SORL1: variants seen among roughly 807,000 people sequenced by gnomAD.
SORL1 encodes the protein sortilin-related receptor.
In SORL1, 127 loss-of-function variants were observed where a neutral mutation model predicts 273.7. That is an observed-to-expected ratio of 0.46 (90% CI 0.40 to 0.54). The LOEUF is 0.54. Among genes scored for constraint, SORL1 ranks in the 20% least tolerant of loss-of-function variants. The pLI, the probability that SORL1 is intolerant of heterozygous loss-of-function variation, is 0.00. For synonymous variants in SORL1, 1,031 were observed against 1,067.4 expected, an observed-to-expected ratio of 0.97 and a Z score of 0.66; for missense variants, 2,494 against 2,846.1, an observed-to-expected ratio of 0.88 and a Z score of 2.81.
chr11:121,526,427 C>CT (rs1862125179), intron 11 of SORL1, among the ~76,000 whole-genome samples: 2 of 152,104 alleles, frequency 1.3e-5, no homozygotes, highest in African/African-American at 2.4e-5. Context: ...TTTTAAAAAT[C>CT]TTTTTTTATT....
chr11:121,547,417 CAAAAAA>C (rs67390938), intron 14 of SORL1, among the ~76,000 whole-genome samples: 26 of 24,032 alleles, frequency 1.1e-3, no homozygotes, highest in African/African-American at 3.2e-3. Context: ...CAACCCTCAC[CAAAAAA>C]AAAAAAAAAA....
chr11:121,468,617 C>T (rs964793236), intron 1 of SORL1, among the ~76,000 whole-genome samples: 4 of 152,128 alleles, frequency 2.6e-5, no homozygotes, highest in Non-Finnish European at 5.9e-5. Context: ...GATGGGGTTT[C>T]ACCGTATTGG....
chr11:121,615,117 C>A, intron 41 of SORL1, 62 bp downstream of exon 41: 2 of 1,332,886 alleles, frequency 1.5e-6, no homozygotes, highest in South Asian at 1.5e-5. Flanking sequence ...GCTACGCCAC[C>A]ACACAACTCC....
At position 121,614,769 on chromosome 11, in the gene SORL1, C is replaced by T. The variant is rs528118833; in HGVS notation, c.5420-102C>T. ...TACAGCACATGGGACTCATTTAAGTCAAGAGATTACTATTTTTTTTTAAAA... is the reference window on the plus strand; with the variant it reads ...TACAGCACATGGGACTCATTTAAGTTAAGAGATTACTATTTTTTTTTAAAA... On this transcript the variant is annotated intron_variant, in intron 40 of 47. Coordinates refer to ENST00000260197, the MANE Select transcript of SORL1 (RefSeq NM_003105.6). 1.7e-5 allele frequency: 15 copies of T among 903,268 alleles called. No homozygotes were observed. In the African/African-American group the frequency reaches 2.3e-4, roughly 14 times the overall value. 56.0% of individuals were successfully genotyped at this position (903,268 alleles called of 1,614,324 possible).
At chr11:121,519,805 AT>A (rs1306039583) in intron 8 of SORL1, among the ~76,000 whole-genome samples, 2 of 152,196 alleles carry the variant, frequency 1.3e-5, no homozygotes, top group African/African-American at 4.8e-5. Flanking sequence ...TCACTGGAGG[AT>A]TTGGAGTCAA....
intron 28 of SORL1, among the ~76,000 whole-genome samples, chr11:121,588,438 A>G (rs778271069): frequency 1.1e-4 from 17 of 152,150 alleles, no homozygotes; most frequent in Non-Finnish European, 2.1e-4. Flanking sequence ...GTCTTGGCTC[A>G]AGGGTCGCTG....
intron 4 of SORL1, among the ~76,000 whole-genome samples, chr11:121,488,598 A>G (rs1861509575): frequency 6.6e-6 from 1 of 152,112 alleles, no homozygotes; most frequent in South Asian, 2.1e-4. Flanking sequence ...TCCATCTTAA[A>G]CACTGCTTTT....
rs758575524 is a variant in SORL1, at chr11:121,488,027, T to G, written c.529-5T>G. 1.2e-6 allele frequency: 2 copies of G among 1,614,034 alleles called. No individual in the cohort carries two copies. The highest frequency in any genetic ancestry group is 3.3e-5 in the Admixed American group (2 of 60,004). On this transcript the variant is annotated splice_polypyrimidine_tract_variant and splice_region_variant and intron_variant, in intron 3 of 47. Transcript: ENST00000260197. ...TGCTCTCAACTTACCTGTTTTCCCT[T>G]GCAGTACATCTTTGCAGACGCTTAT...
chr11:121,471,469 G>A (rs766420893), intron 2 of SORL1, among the ~76,000 whole-genome samples: 24 of 152,350 alleles, frequency 1.6e-4, no homozygotes, highest in Non-Finnish European at 3.4e-4. Context: ...CTCCTTGTGG[G>A]TGAGAGGAGC....
rs1203656574 is a variant in SORL1 at position 121,625,126 on chromosome 11, AGCTTACCT to A, written c.6214_6221del (p.Ala2072TrpfsTer5). The A allele has an allele frequency of 6.2e-7, 1 of 1,613,544 alleles. No homozygotes were observed. Among genetic ancestry groups the A allele is most frequent in the Non-Finnish European group, 8.5e-7 (1 of 1,179,596 alleles). Reference sequence around the variant, plus strand: ...TGTTTGATAGTGCCATGAATATCACAGCTTACCTTGGGAATACTACTGACAATTTCTTT... The same window carrying A: ...TGTTTGATAGTGCCATGAATATCACATGGGAATACTACTGACAATTTCTTT... On this transcript the variant is annotated frameshift_variant, in exon 46 of 48. Transcript: ENST00000260197. LOFTEE classifies it high-confidence loss of function.
intron 6 of SORL1, among the ~76,000 whole-genome samples, chr11:121,502,746 T>C (rs1224556340): frequency 6.6e-6 from 1 of 152,250 alleles, no homozygotes; most frequent in Non-Finnish European, 1.5e-5. Flanking sequence ...TTTTTTATTG[T>C]TGAGTTATAA....
In SORL1 at chr11:121,522,902, C is replaced by A. The variant is rs761784109; in HGVS notation, c.1523-14C>A. Reference sequence around the variant, plus strand: ...TTCTTGAAATTAAAAATAATTATTTCTCTTGCATTTTAGGCTCAGTGGGAA... The same window carrying A: ...TTCTTGAAATTAAAAATAATTATTTATCTTGCATTTTAGGCTCAGTGGGAA... On this transcript the variant is annotated splice_polypyrimidine_tract_variant and intron_variant, in intron 10 of 47. Transcript: ENST00000260197. The A allele has an allele frequency of 3.1e-6, 5 of 1,604,530 alleles. No homozygotes were observed. Among genetic ancestry groups the A allele is most frequent in the Non-Finnish European group, 4.3e-6 (5 of 1,171,308 alleles).
At chr11:121,508,335 A>G (rs1440527136) in intron 6 of SORL1, among the ~76,000 whole-genome samples, 4 of 152,212 alleles carry the variant, frequency 2.6e-5, no homozygotes, top group African/African-American at 9.6e-5. Context: ...AGCTTATTAA[A>G]GCCTCCTAAG....
At chr11:121,493,486 A>G (rs12272700) in intron 5 of SORL1, among the ~76,000 whole-genome samples, 110 of 150,970 alleles carry the variant, frequency 7.3e-4, no homozygotes, top group Middle Eastern at 3.4e-3. Context: ...TGAACTCCCA[A>G]CCTTAGGTGA....
At chr11:121,561,137 T>G (rs1801982658) in intron 21 of SORL1, among the ~76,000 whole-genome samples, 2 of 152,238 alleles carry the variant, frequency 1.3e-5, no homozygotes, top group Non-Finnish European at 2.9e-5. Context: ...TACCACTTAG[T>G]CCAGAAGAGT....
chr11:121,517,379 G>GT (rs1201351837), intron 8 of SORL1, among the ~76,000 whole-genome samples: 1 of 152,102 alleles, frequency 6.6e-6, no homozygotes, highest in Non-Finnish European at 1.5e-5. Flanking sequence ...TTAGCCTAAT[G>GT]TTTTCAAGGT....
intron 27 of SORL1, among the ~76,000 whole-genome samples, chr11:121,586,693 T>TC (rs1446429521): frequency 1.0e-5 from 1 of 97,160 alleles, no homozygotes; most frequent in African/African-American, 3.9e-5. Flanking sequence ...GGGGGTAGAG[T>TC]GGGGGGGGGG....
intron 29 of SORL1, 41 bp from the exon 30 acceptor site, chr11:121,589,999 G>A (rs1217215186): frequency 1.2e-6 from 2 of 1,608,110 alleles, no homozygotes; most frequent in Admixed American, 1.7e-5. Flanking sequence ...TGTTCACACT[G>A]ATGCAGGGAA....
chr11:121,531,161 G>A (rs1591314131), intron 11 of SORL1, among the ~76,000 whole-genome samples: 1 of 152,270 alleles, frequency 6.6e-6, no homozygotes, highest in East Asian at 1.9e-4. Context: ...GGGAGGCCGA[G>A]GCAGGTGGAA....
Sources: allele counts gnomAD v4.1 joint callset (sites outside exome capture counted in the v4.1 genomes callset), GRCh38; gene constraint gnomAD v4.1.1; transcripts MANE v1.5; gene names NCBI Gene and HGNC (gene_info 2026-07-23, HGNC 2026-07-21).